The following CLVS1 variants were observed in gnomAD, a reference collection of about 807,000 sequenced individuals.
The protein encoded by CLVS1 is clavesin-1.
In CLVS1, 10 loss-of-function variants were observed where a neutral mutation model predicts 33.1. The observed-to-expected ratio is 0.30, with a 90% CI of 0.19 to 0.51. The LOEUF (loss-of-function observed/expected upper bound fraction) is 0.51, where lower values mean the gene tolerates loss of function less well. Among genes scored for constraint, CLVS1 ranks in the 20% least tolerant of loss-of-function variants. CLVS1 has a pLI of 0.97. For synonymous variants in CLVS1, 163 were observed against 166.1 expected (o/e 0.98, Z 0.14); for missense variants, 343 against 433.4 (o/e 0.79, Z 1.85).
intron 2 of CLVS1, among the ~76,000 whole-genome samples, chr8:61,190,021 A>T (rs55954142): frequency 0.21 from 32,516 of 152,158 alleles, 3,602 homozygotes; most frequent in Admixed American, 0.28. Flanking sequence ...CACCAAGCAG[A>T]TCTAATAGAC....
chr8:61,419,066 G>A (rs28444428), intron 3 of CLVS1, among the ~76,000 whole-genome samples: 3,619 of 152,222 alleles, frequency 0.024, 154 homozygotes, highest in African/African-American at 0.083. Context: ...AGTGAGCTTT[G>A]AAAAGAACAA....
intron 2 of CLVS1, among the ~76,000 whole-genome samples, chr8:61,161,935 A>G (rs1395184982): frequency 6.6e-6 from 1 of 152,232 alleles, no homozygotes; most frequent in Non-Finnish European, 1.5e-5. Context: ...TTATACCTCA[A>G]TAAAGCTGGA....
At chr8:61,023,659 C>T in the CLVS1 span, among the ~76,000 whole-genome samples, 3 of 152,124 alleles carry the variant, frequency 2.0e-5, no homozygotes. Context: ...CGTGGCGGGC[C>T]CGGTGAGTCG....
intron 5 of CLVS1, among the ~76,000 whole-genome samples, chr8:61,479,929 A>G (rs1818119344): frequency 6.6e-6 from 1 of 152,122 alleles, no homozygotes; most frequent in African/African-American, 2.4e-5. Flanking sequence ...CTGCTGCCTG[A>G]TCATTCCCCT....
At chr8:61,369,197 G>T (rs1267217215) in intron 2 of CLVS1, among the ~76,000 whole-genome samples, 1 of 152,076 alleles carries the variant, frequency 6.6e-6, no homozygotes. Flanking sequence ...TAAGTTTCCA[G>T]CCAAGATTCA....
chr8:61,328,607 G>A (rs1218624769), intron 2 of CLVS1, among the ~76,000 whole-genome samples: 1 of 151,470 alleles, frequency 6.6e-6, no homozygotes, highest in Non-Finnish European at 1.5e-5. Context: ...CATACAAATC[G>A]ATTACTTCCA....
At chr8:60,968,713 A>T in the CLVS1 span, among the ~76,000 whole-genome samples, 41 of 151,418 alleles carry the variant, frequency 2.7e-4, no homozygotes, top group African/African-American at 9.7e-4. Flanking sequence ...ACATGGCAAA[A>T]CCCCATCTCT....
intron 1 of CLVS1, among the ~76,000 whole-genome samples, chr8:61,078,106 C>T (rs552160898): frequency 6.6e-6 from 1 of 152,204 alleles, no homozygotes; most frequent in South Asian, 2.1e-4. Context: ...GGTCAGGATC[C>T]GAGGCAGGCC....
At chr8:61,136,734 A>G (rs1365428444) in intron 2 of CLVS1, among the ~76,000 whole-genome samples, 1 of 152,188 alleles carries the variant, frequency 6.6e-6, no homozygotes, top group East Asian at 1.9e-4. Context: ...TAACTAATGG[A>G]CACTAGACTT....
At chr8:61,063,638 A>G (rs951120596) in intron 1 of CLVS1, among the ~76,000 whole-genome samples, 10 of 152,198 alleles carry the variant, frequency 6.6e-5, no homozygotes, top group African/African-American at 2.2e-4. Context: ...AAGGGTTTGA[A>G]GGAGAAAGGC....
chr8:61,456,917 CAAA>C (rs764079859), intron 4 of CLVS1, among the ~76,000 whole-genome samples: 1 of 124,256 alleles, frequency 8.0e-6, no homozygotes. Context: ...GACTCCGTCT[CAAA>C]AAAAAAAAAA....
At chr8:61,173,084 G>A (rs1023028525) in intron 2 of CLVS1, among the ~76,000 whole-genome samples, 10 of 152,070 alleles carry the variant, frequency 6.6e-5, no homozygotes, top group Non-Finnish European at 1.0e-4. Context: ...TGCGCATTCA[G>A]TACTTTCCCT....
chr8:61,123,831 T>G (rs1030635484), intron 1 of CLVS1, among the ~76,000 whole-genome samples: 3 of 152,196 alleles, frequency 2.0e-5, no homozygotes, highest in African/African-American at 4.8e-5. Context: ...TACTCTGCAG[T>G]CCAGCATTTT....
intron 1 of CLVS1, among the ~76,000 whole-genome samples, chr8:61,059,122 T>C (rs1445444992): frequency 1.3e-5 from 2 of 152,084 alleles, no homozygotes; most frequent in Non-Finnish European, 2.9e-5. Flanking sequence ...AACTGACCAC[T>C]GTTTTCTATT....
At chr8:61,330,292 G>A (rs978259789) in intron 2 of CLVS1, among the ~76,000 whole-genome samples, 3 of 152,142 alleles carry the variant, frequency 2.0e-5, no homozygotes, top group Non-Finnish European at 2.9e-5. Flanking sequence ...GAGGGTTCTC[G>A]TGCAAGTCCA....
the CLVS1 span, among the ~76,000 whole-genome samples, chr8:61,028,825 C>A: frequency 6.6e-6 from 1 of 152,216 alleles, no homozygotes; most frequent in Non-Finnish European, 1.5e-5. Flanking sequence ...GCACAGAGAG[C>A]CAACTCCTTT....
chr8:61,415,498 A>C (rs764900037), intron 3 of CLVS1, among the ~76,000 whole-genome samples: 1 of 152,260 alleles, frequency 6.6e-6, no homozygotes, highest in African/African-American at 2.4e-5. Context: ...ATTATGGCTA[A>C]GCCATCTAAA....
At chr8:61,100,916 G>A (rs1465014369) in intron 1 of CLVS1, among the ~76,000 whole-genome samples, 1 of 151,650 alleles carries the variant, frequency 6.6e-6, no homozygotes, top group African/African-American at 2.4e-5. Flanking sequence ...ATTTTTTTTG[G>A]TATTGTTGAA....
intron 5 of CLVS1, among the ~76,000 whole-genome samples, chr8:61,492,711 A>T (rs1264379834): frequency 6.6e-6 from 1 of 152,180 alleles, no homozygotes; most frequent in East Asian, 1.9e-4. Flanking sequence ...TGGTTTTCTT[A>T]TATTTCCAGT....
Sources: gnomAD v4.1 joint callset for allele counts (sites outside exome capture counted in the v4.1 genomes callset) on GRCh38, gnomAD v4.1.1 for gene constraint, MANE v1.5 for transcripts, NCBI Gene and HGNC (gene_info 2026-07-23, HGNC 2026-07-21) for gene names.